The following SLC4A4 variants were observed in gnomAD, a reference collection of about 807,000 sequenced individuals.
The protein encoded by SLC4A4 is solute carrier family 4 member 4.
Under a neutral mutation model 111.5 loss-of-function variants are expected in SLC4A4, and 27 were observed. That is an observed-to-expected ratio of 0.24 (90% CI 0.18 to 0.33). The LOEUF (loss-of-function observed/expected upper bound fraction) is 0.33, where lower values mean the gene tolerates loss of function less well. Ranked by LOEUF, SLC4A4 falls within the 10% of genes least tolerant of loss-of-function variation. SLC4A4 has a pLI of 1.00. For synonymous variants in SLC4A4, 443 were observed against 463.4 expected (o/e 0.96, Z 0.57); for missense variants, 909 against 1,315.5 (o/e 0.69, Z 4.78).
chr4:71,539,231 A>G (rs1277905668), intron 18 of SLC4A4, among the ~76,000 whole-genome samples: 1 of 152,074 alleles, frequency 6.6e-6, no homozygotes, highest in Non-Finnish European at 1.5e-5. Flanking sequence ...AGACTCTTCT[A>G]AAGGGTTAGC....
chr4:71,532,891 T>A (rs1734065863), intron 17 of SLC4A4, among the ~76,000 whole-genome samples: 1 of 152,156 alleles, frequency 6.6e-6, no homozygotes, highest in South Asian at 2.1e-4. Flanking sequence ...CATGTATATA[T>A]AATGTGAATT....
chr4:71,129,275 A>G (rs1743636067), intron 2 of SLC4A4, among the ~76,000 whole-genome samples: 1 of 152,210 alleles, frequency 6.6e-6, no homozygotes, highest in South Asian at 2.1e-4. Context: ...CAAGCAAAAA[A>G]CAAGAGACCT....
chr4:71,448,125 G>A (rs1334822380), intron 9 of SLC4A4, among the ~76,000 whole-genome samples: 2 of 151,972 alleles, frequency 1.3e-5, no homozygotes, highest in Non-Finnish European at 2.9e-5. Context: ...TTCGAGACCA[G>A]CCTGACCAAC....
intron 6 of SLC4A4, among the ~76,000 whole-genome samples, chr4:71,379,194 T>C (rs1717850912): frequency 6.6e-6 from 1 of 152,170 alleles, no homozygotes; most frequent in Admixed American, 6.5e-5. Flanking sequence ...GATGACTCTC[T>C]ATCATTTTTA....
intron 3 of SLC4A4, among the ~76,000 whole-genome samples, chr4:71,329,591 A>C (rs765234907): frequency 3.3e-5 from 5 of 152,010 alleles, no homozygotes; most frequent in Admixed American, 6.6e-5. Context: ...TATAAATGGA[A>C]TTACTTTCTT....
intron 2 of SLC4A4, among the ~76,000 whole-genome samples, chr4:71,128,160 C>T (rs147516308): frequency 3.9e-5 from 6 of 152,238 alleles, no homozygotes; most frequent in Non-Finnish European, 5.9e-5. Context: ...AATCCACTCA[C>T]AGTTCCACCT....
rs181886919 is a variant in SLC4A4, at chr4:71,083,883, G to A, written c.-64-8847G>A. Among the ~76,000 whole-genome samples the A allele has an allele frequency of 1.1e-3, 171 of 149,982 alleles. 3 individuals are homozygous for A. The highest frequency in any genetic ancestry group is 4.1e-3 in the African/African-American group (166 of 40,534). On this transcript the variant is annotated intron_variant, in intron 1 of 26. Coordinates refer to the SLC4A4 transcript ENST00000649996. ...TATAGAACTTGTAGTGCATTGCCTG[G>A]CACATGGTAAGCATTCTGCTCATCT...
chr4:71,296,593 T>C (rs1011473721), intron 3 of SLC4A4, among the ~76,000 whole-genome samples: 2 of 152,198 alleles, frequency 1.3e-5, no homozygotes, highest in African/African-American at 4.8e-5. Flanking sequence ...GTTTTAAAAA[T>C]CAAAAGGTAT....
chr4:71,487,010 A>G lies in SLC4A4; in HGVS notation c.1966A>G (p.Thr656Ala), dbSNP rs1327632938. Reference sequence around the variant, plus strand: ...AGAGTATTTGCCAACTATGTCTTCTACTGACATGGTAAGTGACTTACTATT... The same window carrying G: ...AGAGTATTTGCCAACTATGTCTTCTGCTGACATGGTAAGTGACTTACTATT... ...APEYLPTMSS[T>A]DMYHNTTFDW... Residue 656 changes from threonine to alanine, a missense_variant, in exon 15 of 26, where the codon ACT becomes GCT. This residue lies in a region of SLC4A4 where 264 missense variants were observed against 356.8 expected (regional missense o/e 0.74). Transcript: ENST00000264485. 11 of 1,585,476 alleles carry G rather than the reference A, an allele frequency of 6.9e-6. No homozygotes were observed. In the South Asian group the frequency reaches 1.1e-4, roughly 16 times the overall value.
intron 3 of SLC4A4, among the ~76,000 whole-genome samples, chr4:71,287,760 G>A (rs1724033110): frequency 1.3e-5 from 2 of 152,094 alleles, no homozygotes; most frequent in South Asian, 4.2e-4. Context: ...CCAGTGATTA[G>A]TCTCAACACA....
chr4:71,437,217 C>T, intron 7 of SLC4A4: 1 of 379,258 alleles, frequency 2.6e-6, no homozygotes, highest in Non-Finnish European at 5.1e-6. Flanking sequence ...GTCCAAGAAT[C>T]CACCTATGAC....
intron 7 of SLC4A4, among the ~76,000 whole-genome samples, chr4:71,425,830 A>G (rs2149032790): frequency 6.6e-6 from 1 of 152,090 alleles, no homozygotes; most frequent in East Asian, 1.9e-4. Flanking sequence ...AGGGTTGTGG[A>G]GAACAAGTTT....
At chr4:71,160,325 G>A (rs1340729986) in intron 2 of SLC4A4, among the ~76,000 whole-genome samples, 1 of 144,538 alleles carries the variant, frequency 6.9e-6, no homozygotes, top group Non-Finnish European at 1.5e-5. Flanking sequence ...CTGGGTGAGT[G>A]TTAACTCCAG....
At chr4:71,488,325 G>T (rs116236475) in intron 15 of SLC4A4, among the ~76,000 whole-genome samples, 2 of 151,302 alleles carry the variant, frequency 1.3e-5, no homozygotes, top group Non-Finnish European at 3.0e-5. Context: ...AAGCCCTGTC[G>T]TTGGGAAGTC....
At chr4:71,320,623 A>G (rs566064262) in intron 3 of SLC4A4, among the ~76,000 whole-genome samples, 1 of 152,160 alleles carries the variant, frequency 6.6e-6, no homozygotes, top group East Asian at 1.9e-4. Context: ...TTACCAGTGT[A>G]ATTCTAAGAA....
chr4:71,411,391 T>C (rs1721352002), intron 7 of SLC4A4, among the ~76,000 whole-genome samples: 1 of 151,334 alleles, frequency 6.6e-6, no homozygotes, highest in African/African-American at 2.4e-5. Context: ...CAGTCTTTGC[T>C]AGGGGCTGCT....
intron 7 of SLC4A4, among the ~76,000 whole-genome samples, chr4:71,399,718 A>G (rs545905424): frequency 2.0e-5 from 3 of 151,762 alleles, no homozygotes; most frequent in Non-Finnish European, 4.4e-5. Flanking sequence ...ATGCTCTGAA[A>G]TCTGATGTTA....
intron 14 of SLC4A4, among the ~76,000 whole-genome samples, chr4:71,475,311 C>T (rs1043695621): frequency 6.6e-6 from 1 of 151,748 alleles, no homozygotes; most frequent in Non-Finnish European, 1.5e-5. Flanking sequence ...TGGATGTTGG[C>T]AGAGAAGGTA....
intron 1 of SLC4A4, among the ~76,000 whole-genome samples, chr4:71,198,698 T>C (rs1746119519): frequency 6.6e-6 from 1 of 152,146 alleles, no homozygotes; most frequent in Non-Finnish European, 1.5e-5. Flanking sequence ...GGGTGCCTCA[T>C]GCCTGTAATC....
Sources: allele counts gnomAD v4.1 joint callset (sites outside exome capture counted in the v4.1 genomes callset), GRCh38; gene constraint gnomAD v4.1.1; regional missense constraint gnomAD v4.1.1; transcripts MANE v1.5; gene names NCBI Gene and HGNC (gene_info 2026-07-23, HGNC 2026-07-21).